MRPL3: variants seen among roughly 807,000 people sequenced by gnomAD.
MRPL3 encodes the protein large ribosomal subunit protein uL3m.
In MRPL3, 43 loss-of-function variants were observed where a neutral mutation model predicts 44.3. The ratio of observed to expected loss-of-function variants is 0.97; its 90% CI spans 0.76 to 1.25. The LOEUF (loss-of-function observed/expected upper bound fraction) is 1.25. Among genes scored for constraint, MRPL3 ranks in the 50% most tolerant of loss-of-function variants. The pLI is 0.00. For missense variants in MRPL3, 406 were observed against 427.6 expected (o/e 0.95, Z 0.45); for synonymous variants, 171 against 152.3 (o/e 1.12, Z -0.91).
At chr3:131,483,444 A>G (rs1047802325) in intron 6 of MRPL3, among the ~76,000 whole-genome samples, 1 of 152,182 alleles carries the variant, frequency 6.6e-6, no homozygotes, top group African/African-American at 2.4e-5. Flanking sequence ...ATCTAAATAA[A>G]ATTTGTCTTC....
intron 7 of MRPL3, among the ~76,000 whole-genome samples, chr3:131,470,140 T>C (rs559336289): frequency 2.0e-4 from 30 of 152,246 alleles, no homozygotes; most frequent in African/African-American, 5.8e-4. Flanking sequence ...ATCTTCTGTA[T>C]TAACTGACTT....
At chr3:131,502,076 T>C (rs746620149) in intron 1 of MRPL3, among the ~76,000 whole-genome samples, 1 of 152,164 alleles carries the variant, frequency 6.6e-6, no homozygotes, top group African/African-American at 2.4e-5. Flanking sequence ...ATGTTGATCT[T>C]TGTCTAACAA....
intron 6 of MRPL3, among the ~76,000 whole-genome samples, chr3:131,483,871 A>G (rs972527320): frequency 1.3e-5 from 2 of 152,212 alleles, no homozygotes; most frequent in Non-Finnish European, 2.9e-5. Context: ...AGTTGAAGGT[A>G]TAACATTGAA....
In MRPL3 at chr3:131,502,926, G is replaced by T; in HGVS notation, c.-105C>A. On this transcript the variant is annotated 5_prime_UTR_variant, in exon 1 of 10. Coordinates refer to ENST00000264995, the MANE Select transcript of MRPL3 (RefSeq NM_007208.4). ...ACGTGGACGCAGTAGCCGTGGGGAA[G>T]TTTTCGCAATGGCCGCCGGAACGGT... The T allele has an allele frequency of 9.1e-7, 1 of 1,103,930 alleles. No individual in the cohort carries two copies. Among genetic ancestry groups the T allele is most frequent in the Non-Finnish European group, 1.3e-6 (1 of 742,728 alleles). 68.4% of individuals were successfully genotyped at this position (1,103,930 alleles called of 1,614,324 possible). A position where few individuals can be genotyped will look rare whatever the true frequency, so the allele number is the denominator to read the frequency against.
intron 4 of MRPL3, among the ~76,000 whole-genome samples, chr3:131,493,532 C>G (rs1205799713): frequency 6.6e-6 from 1 of 152,170 alleles, no homozygotes; most frequent in East Asian, 1.9e-4. Flanking sequence ...CAGCTAAGCA[C>G]AGTGGCAAGT....
intron 9 of MRPL3, among the ~76,000 whole-genome samples, chr3:131,463,407 C>T (rs113563061): frequency 1.2e-4 from 18 of 150,396 alleles, no homozygotes; most frequent in Admixed American, 2.6e-4. Context: ...CCTGTATTGA[C>T]GGAAAATTTA....
chr3:131,484,294 A>T (rs1934062648), intron 6 of MRPL3, among the ~76,000 whole-genome samples: 2 of 152,132 alleles, frequency 1.3e-5, no homozygotes, highest in African/African-American at 4.8e-5. Context: ...AACTTGGTAG[A>T]AATGCAAATT....
intron 9 of MRPL3, among the ~76,000 whole-genome samples, chr3:131,465,856 AC>A (rs1933588099): frequency 6.6e-6 from 1 of 151,324 alleles, no homozygotes; most frequent in African/African-American, 2.4e-5. Context: ...AACAAAACTT[AC>A]AAAAATTCAT....
Position 131,498,237 on chromosome 3 carries a change from T to C in MRPL3, c.410A>G (p.Asn137Ser), listed in dbSNP as rs756211977. Residue 137 changes from asparagine to serine, a missense_variant, in exon 4 of 10, where the codon AAC becomes AGC. By Grantham distance (46) the Asn-to-Ser change is conservative. Coordinates refer to ENST00000264995, the MANE Select transcript of MRPL3 (RefSeq NM_007208.4). ...CHVLKYTSKENCNGKMATLSV... is the reference protein window; with the variant it reads ...CHVLKYTSKESCNGKMATLSV... ...CAGGGTTGCCATTTTTCCATTACAGTTTTCCTTTGACGTATATTTTAAGAC... is the reference window on the plus strand; with the variant it reads ...CAGGGTTGCCATTTTTCCATTACAGCTTTCCTTTGACGTATATTTTAAGAC... The C allele has an allele frequency of 4.3e-6, 7 of 1,612,552 alleles. No individual in the cohort carries two copies. In the East Asian group the frequency reaches 1.3e-4, roughly 31 times the overall value.
At chr3:131,480,041 T>G (rs995428582) in intron 6 of MRPL3, among the ~76,000 whole-genome samples, 1 of 152,220 alleles carries the variant, frequency 6.6e-6, no homozygotes, top group Non-Finnish European at 1.5e-5. Flanking sequence ...AGAATTAATT[T>G]TTGCCAAAAC....
chr3:131,498,341 C>G, intron 3 of MRPL3, 64 bp from the exon 4 acceptor site: 2 of 1,033,138 alleles, frequency 1.9e-6, no homozygotes, highest in South Asian at 2.7e-5. Context: ...TACAAACCAG[C>G]CCCATTGAGA....
intron 6 of MRPL3, 75 bp from the exon 7 acceptor site, chr3:131,471,354 C>T: frequency 1.1e-6 from 1 of 938,034 alleles, no homozygotes; most frequent in Non-Finnish European, 1.7e-6. Context: ...TTTCTAGTAC[C>T]AACTGTACAC....
intron 2 of MRPL3, 36 bp downstream of exon 2, chr3:131,501,495 T>C (rs1050138528): frequency 1.0e-5 from 16 of 1,525,960 alleles, no homozygotes; most frequent in Non-Finnish European, 1.4e-5. Context: ...ACACAGTAAT[T>C]AGGAAATGAG....
In MRPL3 at chr3:131,471,163, A is replaced by T. The variant is rs1194304465; in HGVS notation, c.738+8T>A. 3 of 1,581,312 alleles carry T rather than the reference A, an allele frequency of 1.9e-6. No individual in the cohort carries two copies. ...AGCATTAAAAAGAGCTTCACTAGTT[A>T]TACTCACACCAGTTGCAACAGCTCC... On this transcript the variant is annotated splice_region_variant and intron_variant, in intron 7 of 9. Transcript: ENST00000264995.
At position 131,471,174 on chromosome 3, in the gene MRPL3, A is replaced by G; in HGVS notation, c.735T>C (p.Thr245=). ...GAGCTTCACTAGTTATACTCACACC[A>G]GTTGCAACAGCTCCAGGTCTCCTGT... ...KTHRRPGAVA[T]GDIGRVWPGT... is the part of the protein sequence containing the mutation. The change falls in exon 7 of 10, where the codon ACT becomes ACC. Residue 245 remains threonine (T), a synonymous_variant. Coordinates refer to ENST00000264995, the MANE Select transcript of MRPL3 (RefSeq NM_007208.4). 6.2e-7 allele frequency: 1 copy of G among 1,604,440 alleles called. No individual in the cohort carries two copies. Among genetic ancestry groups the G allele is most frequent in the Non-Finnish European group, 8.5e-7 (1 of 1,171,758 alleles).
intron 9 of MRPL3, among the ~76,000 whole-genome samples, chr3:131,465,308 T>C (rs1933576142): frequency 1.3e-5 from 2 of 152,208 alleles, no homozygotes; most frequent in Non-Finnish European, 2.9e-5. Flanking sequence ...TTTTTGGAAG[T>C]AATCTTTTAC....
At chr3:131,471,623 A>G (rs1017105777) in intron 6 of MRPL3, among the ~76,000 whole-genome samples, 3 of 152,208 alleles carry the variant, frequency 2.0e-5, no homozygotes, top group African/African-American at 7.2e-5. Flanking sequence ...GAAGTTTCAA[A>G]GTACTTATAG....
Position 131,490,333 on chromosome 3 carries a change from G to A in MRPL3, c.469-253C>T, listed in dbSNP as rs180816569. The stretch of plus-strand genomic sequence containing the variant: ...ATAGTGTTCAAATATAGCACACTGG[G>A]AAAGACCTCTGTTCTGCAGGAAAAT... On this transcript the variant is annotated intron_variant, in intron 4 of 9. Transcript: ENST00000264995. Among the ~76,000 whole-genome samples the A allele has an allele frequency of 2.6e-5, 4 of 152,194 alleles. No individual in the cohort carries two copies. In the East Asian group the frequency reaches 7.7e-4, roughly 29 times the overall value.
chr3:131,501,182 C>G (rs964468820), intron 2 of MRPL3, among the ~76,000 whole-genome samples: 2 of 152,178 alleles, frequency 1.3e-5, no homozygotes, highest in African/African-American at 4.8e-5. Context: ...CTAGAGCATC[C>G]CAAGTGAACA....
Sources: gnomAD v4.1 joint callset for allele counts (sites outside exome capture counted in the v4.1 genomes callset) on GRCh38, gnomAD v4.1.1 for gene constraint, MANE v1.5 for transcripts, NCBI Gene and HGNC (gene_info 2026-07-23, HGNC 2026-07-21) for gene names.